The following ROR2 variants were observed in gnomAD, a reference collection of about 807,000 sequenced individuals.
The protein encoded by ROR2 is ROR family WNT receptor 2, also known as tyrosine-protein kinase transmembrane receptor ROR2.
ROR2 carries 33 observed loss-of-function variants against 74.9 expected under a neutral mutation model. The observed-to-expected ratio is 0.44, with a 90% CI of 0.33 to 0.59. The LOEUF is 0.59. ROR2 is among the 20% of genes least tolerant of loss of function. The pLI is 0.02. For missense variants in ROR2, 1,216 were observed against 1,313.8 expected, an observed-to-expected ratio of 0.93 and a Z score of 1.15; for synonymous variants, 586 against 558.7, an observed-to-expected ratio of 1.05 and a Z score of -0.69.
chr9:91,762,158 T>C (rs373645702), intron 2 of ROR2, among the ~76,000 whole-genome samples: 25 of 152,312 alleles, frequency 1.6e-4, no homozygotes, highest in African/African-American at 4.8e-4. Context: ...TCTGCTTCCA[T>C]TGTCACATCT....
chr9:91,922,458 A>T (rs7466218), intron 1 of ROR2, among the ~76,000 whole-genome samples: 2 of 151,498 alleles, frequency 1.3e-5, no homozygotes, highest in East Asian at 1.9e-4. Context: ...TAATTTTTTT[A>T]TTTTTTATTT....
At chr9:91,745,426 ATTTTTTTTTTT>A (rs72432798) in intron 4 of ROR2, among the ~76,000 whole-genome samples, 3 of 99,760 alleles carry the variant, frequency 3.0e-5, no homozygotes, top group African/African-American at 1.3e-4. Flanking sequence ...TGCCCAGCCT[ATTTTTTTTTTT>A]TTTTTTTTTT....
chr9:91,870,308 T>C (rs1298843370), intron 1 of ROR2, among the ~76,000 whole-genome samples: 1 of 152,224 alleles, frequency 6.6e-6, no homozygotes, highest in Non-Finnish European at 1.5e-5. Context: ...AACACCATCA[T>C]GTGCCTACAG....
chr9:91,821,009 G>T (rs929633268), intron 1 of ROR2, among the ~76,000 whole-genome samples: 2 of 151,954 alleles, frequency 1.3e-5, no homozygotes, highest in African/African-American at 4.8e-5. Flanking sequence ...GCTGAGGCAG[G>T]AGAATTGCTT....
intron 2 of ROR2, among the ~76,000 whole-genome samples, chr9:91,775,419 C>T (rs935882255): frequency 1.4e-4 from 21 of 152,254 alleles, no homozygotes; most frequent in African/African-American, 3.9e-4. Flanking sequence ...CCCACTGAGA[C>T]GTACACACAC....
chr9:91,848,764 GAAAAAA>G (rs36044426), intron 1 of ROR2, among the ~76,000 whole-genome samples: 33,018 of 103,868 alleles, frequency 0.32, 4,088 homozygotes, highest in Admixed American at 0.49. Context: ...CAGGGGGGAA[GAAAAAA>G]AAAAAAAAAA....
chr9:91,945,490 G>C (rs1041503112), intron 1 of ROR2, among the ~76,000 whole-genome samples: 1 of 152,202 alleles, frequency 6.6e-6, no homozygotes, highest in Non-Finnish European at 1.5e-5. Flanking sequence ...AAGTGACAGA[G>C]TGCTTACTGA....
intron 2 of ROR2, among the ~76,000 whole-genome samples, chr9:91,773,556 T>A (rs1034384864): frequency 1.2e-4 from 19 of 152,256 alleles, no homozygotes; most frequent in African/African-American, 4.6e-4. Flanking sequence ...GGGAGCCTCT[T>A]GCCAAACTGA....
Position 91,733,445 on chromosome 9 carries a change from C to A in ROR2, c.623-9G>T, listed in dbSNP as rs769588908. The A allele has an allele frequency of 1.9e-6, 3 of 1,608,506 alleles. No individual in the cohort carries two copies. The highest frequency in any genetic ancestry group is 2.7e-5 in the African/African-American group (2 of 74,918). The stretch of plus-strand genomic sequence containing the variant: ...GATCATGGTGAAGGCCGCTGCAGAG[C>A]CCGCGAGACTCGCGTTAGCGGGGGA... On this transcript the variant is annotated splice_polypyrimidine_tract_variant and intron_variant, in intron 5 of 8. Transcript: ENST00000375708. This position sits in a 1 kb window ranked among gnomAD's most constrained non-coding sequence, Gnocchi z 5.7.
chr9:91,913,123 T>C (rs550896239), intron 1 of ROR2, among the ~76,000 whole-genome samples: 8 of 151,884 alleles, frequency 5.3e-5, no homozygotes, highest in Non-Finnish European at 1.0e-4. Context: ...AGTGAGAGAC[T>C]CCATCTAAAC....
intron 1 of ROR2, among the ~76,000 whole-genome samples, chr9:91,884,129 CCTTT>C (rs1168668284): frequency 6.6e-6 from 1 of 152,148 alleles, no homozygotes; most frequent in Non-Finnish European, 1.5e-5. Flanking sequence ...AGTACTAATC[CCTTT>C]CTTTTCTCTC....
At chr9:91,800,367 A>AGAG (rs1373039398) in intron 1 of ROR2, among the ~76,000 whole-genome samples, 5 of 151,226 alleles carry the variant, frequency 3.3e-5, no homozygotes, top group African/African-American at 1.2e-4. Context: ...AGAGAGAGAG[A>AGAG]ATAATACCAG....
rs200794281 is a variant in ROR2 at position 91,892,532 on chromosome 9, A to ATT, written c.97+57333_97+57334dup. On this transcript the variant is annotated intron_variant, in intron 1 of 8. Coordinates refer to ENST00000375708, the MANE Select transcript of ROR2 (RefSeq NM_004560.4). Reference sequence around the variant, plus strand: ...CACCAGCACCTGACCTAAGTGTTGGATTTTTTTTTTTTATTTTACCTCAGA... The same window carrying ATT: ...CACCAGCACCTGACCTAAGTGTTGGATTTTTTTTTTTTTTATTTTACCTCAGA... Among the ~76,000 whole-genome samples, 78 of 128,190 alleles carry ATT rather than the reference A, an allele frequency of 6.1e-4. 1 individual carries two copies. Among genetic ancestry groups the ATT allele is most frequent in the African/African-American group, 2.0e-3 (72 of 35,480 alleles). 84.1% of individuals were successfully genotyped at this position (128,190 alleles called of 152,430 possible).
At chr9:91,908,164 C>T (rs1830866782) in intron 1 of ROR2, among the ~76,000 whole-genome samples, 1 of 152,182 alleles carries the variant, frequency 6.6e-6, no homozygotes, top group Admixed American at 6.5e-5. Context: ...TTGAAAGCAA[C>T]TCCCTGGTTT....
chr9:91,792,370 C>G (rs901390320), intron 1 of ROR2, among the ~76,000 whole-genome samples: 1 of 108,126 alleles, frequency 9.2e-6, no homozygotes, highest in African/African-American at 5.0e-5. Context: ...TGCAGTAGTG[C>G]AATCTCAGCT....
In ROR2 at chr9:91,724,412, G is replaced by A. The variant is rs773479092; in HGVS notation, c.2082C>T (p.Cys694=). ...CCACCACATCCTGGTTGGAGTACCCGCAGTAGGGCTGCAGGCCGTAGCTGA... is the reference window on the plus strand; with the variant it reads ...CCACCACATCCTGGTTGGAGTACCCACAGTAGGGCTGCAGGCCGTAGCTGA... ...EVFSYGLQPY[C]GYSNQDVVEM... Residue 694 remains cysteine (C), a synonymous_variant, in exon 9 of 9, where the codon TGC becomes TGT. Coordinates refer to ENST00000375708, the MANE Select transcript of ROR2 (RefSeq NM_004560.4). The A allele has an allele frequency of 1.1e-5, 17 of 1,614,026 alleles. 1 individual carries two copies. Among genetic ancestry groups the A allele is most frequent in the African/African-American group, 4.0e-5 (3 of 74,928 alleles).
intron 1 of ROR2, among the ~76,000 whole-genome samples, chr9:91,842,588 C>T (rs1313862586): frequency 6.6e-6 from 1 of 152,262 alleles, no homozygotes; most frequent in East Asian, 1.9e-4. Flanking sequence ...ACAGCCAGCC[C>T]ACTTCCAATT....
At chr9:91,948,770 T>C in intron 1 of ROR2, 1 of 985,452 alleles carries the variant, frequency 1.0e-6, no homozygotes. Flanking sequence ...GTAAGAAGTG[T>C]CTCACACATT....
intron 1 of ROR2, among the ~76,000 whole-genome samples, chr9:91,874,787 T>A (rs1362198337): frequency 6.6e-6 from 1 of 151,984 alleles, no homozygotes; most frequent in Non-Finnish European, 1.5e-5. Flanking sequence ...AATACAAAAT[T>A]AGCCAGGCAT....
Sources: allele counts gnomAD v4.1 joint callset (sites outside exome capture counted in the v4.1 genomes callset), GRCh38; gene constraint gnomAD v4.1.1; non-coding constraint Gnocchi (gnomAD v3.1); transcripts MANE v1.5; gene names NCBI Gene and HGNC (gene_info 2026-07-23, HGNC 2026-07-21).